The following CACNA2D3 variants were observed in gnomAD, a reference collection of about 807,000 sequenced individuals.
CACNA2D3 encodes calcium voltage-gated channel auxiliary subunit alpha2delta 3.
Under a neutral mutation model 160.6 loss-of-function variants are expected in CACNA2D3, and 60 were observed. The ratio of observed to expected loss-of-function variants is 0.37; its 90% CI spans 0.30 to 0.46. The LOEUF is 0.46. Among genes scored for constraint, CACNA2D3 ranks in the 20% least tolerant of loss-of-function variants. The pLI, the probability that CACNA2D3 is intolerant of heterozygous loss-of-function variation, is 1.00. For synonymous variants in CACNA2D3, 558 were observed against 492.9 expected, an observed-to-expected ratio of 1.13 and a Z score of -1.75; for missense variants, 1,205 against 1,365.0, an observed-to-expected ratio of 0.88 and a Z score of 1.85.
At chr3:54,886,732 C>G (rs960441589) in intron 23 of CACNA2D3, among the ~76,000 whole-genome samples, 1 of 151,482 alleles carries the variant, frequency 6.6e-6, no homozygotes, top group Admixed American at 6.6e-5. Flanking sequence ...GTATGAATTA[C>G]TATATTATAA....
intron 4 of CACNA2D3, among the ~76,000 whole-genome samples, chr3:54,428,749 G>A (rs1223647269): frequency 6.6e-6 from 1 of 152,150 alleles, no homozygotes; most frequent in African/African-American, 2.4e-5. Flanking sequence ...CTTTGTGTAT[G>A]TTGCCTTTCT....
intron 9 of CACNA2D3, among the ~76,000 whole-genome samples, chr3:54,584,164 A>G (rs1490533643): frequency 6.6e-6 from 1 of 152,192 alleles, no homozygotes; most frequent in African/African-American, 2.4e-5. Context: ...TAATGCCCAG[A>G]ATGCAATTAA....
intron 33 of CACNA2D3, among the ~76,000 whole-genome samples, chr3:55,008,253 A>T (rs1575433325): frequency 1.3e-5 from 2 of 152,322 alleles, no homozygotes; most frequent in East Asian, 3.9e-4. Flanking sequence ...ATTGTCAGCT[A>T]GGGCTGGGGG....
At chr3:54,986,174 G>T (rs1241731237) in intron 30 of CACNA2D3, among the ~76,000 whole-genome samples, 1 of 152,180 alleles carries the variant, frequency 6.6e-6, no homozygotes, top group African/African-American at 2.4e-5. Flanking sequence ...GAAGGGTGCA[G>T]TGGATGTCTT....
intron 13 of CACNA2D3, among the ~76,000 whole-genome samples, chr3:54,786,754 G>A (rs570322265): frequency 6.6e-6 from 1 of 152,164 alleles, no homozygotes; most frequent in South Asian, 2.1e-4. Context: ...ATTTATCCAT[G>A]GTTAAAAAAA....
intron 35 of CACNA2D3, among the ~76,000 whole-genome samples, chr3:55,036,830 A>AGG (rs1703827644): frequency 6.6e-6 from 1 of 152,182 alleles, no homozygotes; most frequent in East Asian, 1.9e-4. Context: ...AAAAAATGAT[A>AGG]CCATTTTTTA....
chr3:54,747,526 A>G (rs1158147336), intron 11 of CACNA2D3, among the ~76,000 whole-genome samples: 1 of 152,124 alleles, frequency 6.6e-6, no homozygotes, highest in Non-Finnish European at 1.5e-5. Flanking sequence ...AGCCAGAATG[A>G]TCCTTTTACA....
At chr3:54,353,501 G>A (rs1325648377) in intron 3 of CACNA2D3, among the ~76,000 whole-genome samples, 2 of 151,910 alleles carry the variant, frequency 1.3e-5, no homozygotes, top group Non-Finnish European at 2.9e-5. Flanking sequence ...GTATTTTCCA[G>A]GTAGTTTTGA....
At chr3:54,551,221 G>A (rs1285558201) in intron 5 of CACNA2D3, among the ~76,000 whole-genome samples, 1 of 152,128 alleles carries the variant, frequency 6.6e-6, no homozygotes, top group South Asian at 2.1e-4. Context: ...CCCACCCCAT[G>A]CCTCTGCGTT....
intron 31 of CACNA2D3, among the ~76,000 whole-genome samples, chr3:54,990,518 G>A (rs1245007211): frequency 1.3e-5 from 2 of 152,136 alleles, no homozygotes; most frequent in Middle Eastern, 3.2e-3. Context: ...GTGACAGAGC[G>A]AGACTCCATC....
chr3:54,737,900 A>G (rs909215824), intron 11 of CACNA2D3, among the ~76,000 whole-genome samples: 3 of 152,130 alleles, frequency 2.0e-5, no homozygotes, highest in Non-Finnish European at 2.9e-5. Flanking sequence ...TCCTGACCTC[A>G]GGTGATCCAC....
At chr3:54,717,090 T>C (rs887224485) in intron 11 of CACNA2D3, among the ~76,000 whole-genome samples, 1 of 152,108 alleles carries the variant, frequency 6.6e-6, no homozygotes, top group Non-Finnish European at 1.5e-5. Flanking sequence ...ACCAGAACCT[T>C]ATGTAACATA....
At chr3:54,127,120 AC>A in intron 2 of CACNA2D3, among the ~76,000 whole-genome samples, 1 of 152,116 alleles carries the variant, frequency 6.6e-6, no homozygotes, top group East Asian at 1.9e-4. Flanking sequence ...TTCTATTTAG[AC>A]CTGCATTCGG....
intron 11 of CACNA2D3, among the ~76,000 whole-genome samples, chr3:54,736,118 TAC>T (rs879759260): frequency 0.26 from 17,423 of 66,630 alleles, 4,912 homozygotes; most frequent in South Asian, 0.34. Context: ...TGTATATATA[TAC>T]ATATATATAT....
chr3:54,424,567 C>G (rs573740403), intron 4 of CACNA2D3, among the ~76,000 whole-genome samples: 3 of 152,196 alleles, frequency 2.0e-5, no homozygotes, highest in Non-Finnish European at 2.9e-5. Context: ...GGCTTTTATC[C>G]TCTGCTGAAT....
At chr3:54,743,876 G>T (rs1701700228) in intron 11 of CACNA2D3, among the ~76,000 whole-genome samples, 1 of 152,194 alleles carries the variant, frequency 6.6e-6, no homozygotes, top group Non-Finnish European at 1.5e-5. Flanking sequence ...AGGATCCCTA[G>T]TATCAGCAGA....
chr3:54,188,404 T>C (rs1700921693), intron 2 of CACNA2D3, among the ~76,000 whole-genome samples: 1 of 152,160 alleles, frequency 6.6e-6, no homozygotes, highest in African/African-American at 2.4e-5. Flanking sequence ...AATCCTTCCT[T>C]GGTGGTTCAT....
chr3:54,431,907 C>T (rs1005843833), intron 4 of CACNA2D3, among the ~76,000 whole-genome samples: 5 of 152,108 alleles, frequency 3.3e-5, no homozygotes, highest in Non-Finnish European at 7.4e-5. Flanking sequence ...CACACCTGGC[C>T]GACTTTATAG....
At chr3:54,370,695 C>G in intron 3 of CACNA2D3, among the ~76,000 whole-genome samples, 1 of 152,156 alleles carries the variant, frequency 6.6e-6, no homozygotes, top group African/African-American at 2.4e-5. Flanking sequence ...TTTTTGGTAA[C>G]AGTTTTATTG....
Sources: allele counts gnomAD v4.1 joint callset (sites outside exome capture counted in the v4.1 genomes callset), GRCh38; gene constraint gnomAD v4.1.1; transcripts MANE v1.5; gene names NCBI Gene and HGNC (gene_info 2026-07-23, HGNC 2026-07-21).